The following MAP7 variants were observed in gnomAD, a reference collection of about 807,000 sequenced individuals.
MAP7 encodes the protein microtubule associated protein 7, also known as ensconsin.
MAP7 carries 52 observed loss-of-function variants against 94.8 expected under a neutral mutation model. The observed-to-expected ratio is 0.55, with a 90% CI of 0.44 to 0.69. The LOEUF is 0.69. Among genes scored for constraint, MAP7 ranks in the 30% least tolerant of loss-of-function variants. MAP7 has a pLI of 0.00. For missense variants in MAP7, 940 were observed against 964.6 expected (o/e 0.97, Z 0.34); for synonymous variants, 350 against 357.0 (o/e 0.98, Z 0.22).
intron 1 of MAP7, among the ~76,000 whole-genome samples, chr6:136,447,834 T>C (rs987213039): frequency 2.6e-5 from 4 of 152,148 alleles, no homozygotes; most frequent in Admixed American, 6.5e-5. Flanking sequence ...TACTCTCTTT[T>C]CCCAAAAAGC....
intron 3 of MAP7, among the ~76,000 whole-genome samples, chr6:136,405,806 T>C (rs2128723184): frequency 6.6e-6 from 1 of 152,310 alleles, no homozygotes; most frequent in South Asian, 2.1e-4. Context: ...AGTAGTTACT[T>C]TCTGGGTATG....
At chr6:136,387,912 A>G (rs1779615492) in intron 5 of MAP7, among the ~76,000 whole-genome samples, 1 of 152,158 alleles carries the variant, frequency 6.6e-6, no homozygotes. Flanking sequence ...TAGCTTAGTC[A>G]TTTACTATTT....
At chr6:136,423,237 C>A (rs1168964263) in intron 1 of MAP7, among the ~76,000 whole-genome samples, 1 of 152,168 alleles carries the variant, frequency 6.6e-6, no homozygotes, top group Admixed American at 6.5e-5. Flanking sequence ...TGCCATTTAC[C>A]AGCTGAATCC....
chr6:136,355,986 A>C (rs1314724157), intron 16 of MAP7, among the ~76,000 whole-genome samples: 2 of 152,230 alleles, frequency 1.3e-5, no homozygotes, highest in African/African-American at 4.8e-5. Flanking sequence ...TTCAATAAGA[A>C]GCCCTGTTAT....
intron 15 of MAP7, among the ~76,000 whole-genome samples, chr6:136,357,708 G>T (rs1445847097): frequency 6.6e-6 from 1 of 152,146 alleles, no homozygotes; most frequent in Non-Finnish European, 1.5e-5. Context: ...ATGTTGCCCA[G>T]TCTTGAACTC....
chr6:136,370,673 G>A (rs184555796), intron 8 of MAP7, among the ~76,000 whole-genome samples: 64 of 152,106 alleles, frequency 4.2e-4, no homozygotes, highest in African/African-American at 1.5e-3. Context: ...TTCAAACACT[G>A]CATGATTTCA....
At chr6:136,418,989 C>T (rs1252606199) in intron 2 of MAP7, among the ~76,000 whole-genome samples, 3 of 152,190 alleles carry the variant, frequency 2.0e-5, no homozygotes, top group African/African-American at 7.2e-5. Flanking sequence ...CTCAAAAAGA[C>T]ACAATCAGAA....
intron 1 of MAP7, among the ~76,000 whole-genome samples, chr6:136,511,869 C>T (rs1053102154): frequency 6.6e-5 from 10 of 152,080 alleles, no homozygotes; most frequent in Non-Finnish European, 1.2e-4. Context: ...GCCACAAACA[C>T]GAAATGAACG....
In MAP7 at chr6:136,538,611, C is replaced by T. The variant is rs553881536; in HGVS notation, c.67+11731G>A. On this transcript the variant is annotated intron_variant, in intron 1 of 17. Transcript: ENST00000354570. ...TGAGCAACATGGTGACACCCTGTCT[C>T]TACAAAAAGAGACAAAAAAAAAAAT... Among the ~76,000 whole-genome samples, 365 of 151,434 alleles carry T rather than the reference C, an allele frequency of 2.4e-3. 1 individual carries two copies. The highest frequency in any genetic ancestry group is 7.5e-3 in the Admixed American group (114 of 15,206).
At chr6:136,408,618 C>T (rs895850561) in intron 3 of MAP7, among the ~76,000 whole-genome samples, 11 of 152,084 alleles carry the variant, frequency 7.2e-5, no homozygotes, top group Non-Finnish European at 1.5e-4. Context: ...CTTTACTTTG[C>T]CAGCATTTGT....
chr6:136,444,667 T>C (rs1192327354), intron 1 of MAP7, among the ~76,000 whole-genome samples: 4 of 152,178 alleles, frequency 2.6e-5, no homozygotes, highest in Admixed American at 1.3e-4. Flanking sequence ...AAGCCCACAA[T>C]AGAACAGGGA....
intron 1 of MAP7, among the ~76,000 whole-genome samples, chr6:136,536,096 A>G (rs1339327627): frequency 6.6e-6 from 1 of 152,148 alleles, no homozygotes; most frequent in Non-Finnish European, 1.5e-5. Context: ...TTATGGCTGC[A>G]TAGTATTCCG....
chr6:136,402,428 C>T (rs992576172), intron 3 of MAP7, among the ~76,000 whole-genome samples: 5 of 152,204 alleles, frequency 3.3e-5, no homozygotes, highest in African/African-American at 1.2e-4. Flanking sequence ...TGGAGAGCTG[C>T]CTGATAAGAA....
chr6:136,393,767 A>C (rs1255407349), intron 3 of MAP7, among the ~76,000 whole-genome samples: 1 of 148,060 alleles, frequency 6.8e-6, no homozygotes, highest in African/African-American at 2.5e-5. Flanking sequence ...TCCTAAAGGG[A>C]CTACAGGTAC....
Position 136,383,729 on chromosome 6 carries a change from G to A in MAP7, c.579C>T (p.Pro193=), listed in dbSNP as rs749182878. 7.7e-5 allele frequency: 124 copies of A among 1,610,962 alleles called. 1 individual carries two copies. In the Middle Eastern group the frequency reaches 8.3e-4, roughly 11 times the overall value. Residue 193 remains proline (P), a synonymous_variant, in exon 6 of 18, where the codon CCC becomes CCT. Coordinates refer to ENST00000354570, the MANE Select transcript of MAP7 (RefSeq NM_003980.6). ...AAGAGGAGAGCCGCTTGCTAATGAC[G>A]GGATCAACATATTTCGAAAGATTCA... is the stretch of plus-strand genomic sequence containing the variant. The part of the protein sequence containing the change: ...STMNLSKYVD[P]VISKRLSSSS...
chr6:136,426,655 C>A (rs1441044183), intron 1 of MAP7, among the ~76,000 whole-genome samples: 2 of 152,116 alleles, frequency 1.3e-5, no homozygotes, highest in African/African-American at 2.4e-5. Context: ...GGATGGAGCA[C>A]GAGCAAAACT....
chr6:136,382,004 C>A (rs760207768), intron 6 of MAP7, among the ~76,000 whole-genome samples: 1 of 151,484 alleles, frequency 6.6e-6, no homozygotes, highest in South Asian at 2.1e-4. Context: ...TGCAGTGTGG[C>A]GGTCACACGG....
rs544898037 is a variant in MAP7, at chr6:136,549,282, G to T, written c.67+1060C>A. ...GGAAGTGGAAAACAGCTTGCAATTG[G>T]AGAGTCTAAGAATTGAATTTCTTTT... On this transcript the variant is annotated intron_variant, in intron 1 of 17. Coordinates refer to ENST00000354570, the MANE Select transcript of MAP7 (RefSeq NM_003980.6). Among the ~76,000 whole-genome samples the T allele has an allele frequency of 7.9e-5, 12 of 152,298 alleles. No homozygotes were observed. The South Asian group carries it at 2.1e-3, about 26-fold the overall frequency.
At chr6:136,345,796 T>C in intron 17 of MAP7, 60 bp downstream of exon 17, 1 of 1,334,834 alleles carries the variant, frequency 7.5e-7, no homozygotes, top group Non-Finnish European at 1.1e-6. Context: ...CAGCAGTTCG[T>C]GTCCTCCTGG....
Sources: allele counts gnomAD v4.1 joint callset (sites outside exome capture counted in the v4.1 genomes callset), GRCh38; gene constraint gnomAD v4.1.1; transcripts MANE v1.5; gene names NCBI Gene and HGNC (gene_info 2026-07-23, HGNC 2026-07-21).